The following GPC6 variants were observed in gnomAD, a reference collection of about 807,000 sequenced individuals.
GPC6 encodes the protein glypican-6.
GPC6 carries 14 observed loss-of-function variants against 55.2 expected under a neutral mutation model. The observed-to-expected ratio is 0.25, with a 90% CI of 0.17 to 0.40. The LOEUF is 0.40. GPC6 is among the 10% of genes least tolerant of loss of function. The pLI is 1.00. For synonymous variants in GPC6, 278 were observed against 259.6 expected (o/e 1.07, Z -0.68); for missense variants, 641 against 708.5 (o/e 0.90, Z 1.08).
chr13:94,382,604 A>G, intron 7 of GPC6, 54 bp downstream of exon 7: 3 of 1,609,642 alleles, frequency 1.9e-6, no homozygotes, highest in Admixed American at 3.3e-5. Flanking sequence ...CCAGCCTTGG[A>G]AGACTCTCCT....
intron 3 of GPC6, among the ~76,000 whole-genome samples, chr13:93,978,407 G>A (rs1048342625): frequency 1.3e-5 from 2 of 152,202 alleles, no homozygotes; most frequent in South Asian, 2.1e-4. Flanking sequence ...AATAAGGAGA[G>A]GACATATTAA....
At position 93,605,710 on chromosome 13, in the gene GPC6, C is replaced by T. The variant is rs557907846; in HGVS notation, c.319+60289C>T. On this transcript the variant is annotated intron_variant, in intron 2 of 8. Transcript: ENST00000377047. ...AAAAAAAAAAAGCCAGTCATGATGGCGGGTGCCTCTAATCCCAGCTGCTCA... is the reference window on the plus strand; with the variant it reads ...AAAAAAAAAAAGCCAGTCATGATGGTGGGTGCCTCTAATCCCAGCTGCTCA... 4.0e-5 allele frequency among the ~76,000 whole-genome samples: 6 copies of T among 150,674 alleles called. No individual in the cohort carries two copies. The East Asian group carries it at 5.9e-4, about 15-fold the overall frequency.
At chr13:93,610,772 A>AT (rs980947928) in intron 2 of GPC6, among the ~76,000 whole-genome samples, 17 of 151,594 alleles carry the variant, frequency 1.1e-4, no homozygotes, top group Admixed American at 4.0e-4. Context: ...ATGCACTGTG[A>AT]TTTTTTTTTC....
chr13:93,427,237 T>C (rs1008104645), intron 1 of GPC6, among the ~76,000 whole-genome samples: 5 of 151,410 alleles, frequency 3.3e-5, no homozygotes, highest in Admixed American at 1.3e-4. Context: ...CTTCACAGAA[T>C]TGGAAAAAAC....
At chr13:93,561,700 A>G (rs952852708) in intron 2 of GPC6, among the ~76,000 whole-genome samples, 2 of 151,610 alleles carry the variant, frequency 1.3e-5, no homozygotes, top group African/African-American at 2.4e-5. Context: ...CATTCCCCCA[A>G]CCCCCAGTTG....
chr13:94,303,845 C>A (rs1411299234), intron 5 of GPC6, among the ~76,000 whole-genome samples: 1 of 150,466 alleles, frequency 6.6e-6, no homozygotes, highest in Non-Finnish European at 1.5e-5. Context: ...CACTAATATT[C>A]TTTCAGGGCA....
intron 1 of GPC6, among the ~76,000 whole-genome samples, chr13:93,500,044 A>G (rs1880465077): frequency 6.6e-6 from 1 of 152,162 alleles, no homozygotes; most frequent in African/African-American, 2.4e-5. Context: ...TTCAGTGCTT[A>G]CAGCACTTCC....
At chr13:93,405,058 C>T (rs1876236088) in intron 1 of GPC6, among the ~76,000 whole-genome samples, 1 of 151,992 alleles carries the variant, frequency 6.6e-6, no homozygotes, top group Admixed American at 6.6e-5. Context: ...CTTTTTTAAT[C>T]AGTTGGGTTT....
At chr13:94,242,650 A>G (rs947020222) in intron 4 of GPC6, among the ~76,000 whole-genome samples, 25 of 152,080 alleles carry the variant, frequency 1.6e-4, no homozygotes, top group African/African-American at 5.3e-4. Flanking sequence ...TAGGGATTAC[A>G]GTGGGTTGGA....
intron 2 of GPC6, among the ~76,000 whole-genome samples, chr13:93,695,162 T>C (rs1473957213): frequency 6.6e-6 from 1 of 152,134 alleles, no homozygotes; most frequent in Non-Finnish European, 1.5e-5. Flanking sequence ...TGAAAGTTTA[T>C]GGAATAAACT....
chr13:93,830,306 G>C lies in GPC6; in HGVS notation c.472G>C (p.Glu158Gln), dbSNP rs777028841. The change falls in exon 3 of 9, where the codon GAG becomes CAG. Residue 158 changes from glutamate (E) to glutamine (Q), a missense_variant. Physicochemically the swap from Glu to Gln is conservative, Grantham distance 29. Coordinates refer to ENST00000377047, the MANE Select transcript of GPC6 (RefSeq NM_005708.5). ...RYYTGGNVNL[E>Q]EMLNDFWARL... ...CTACACTGGGGGTAATGTGAATCTG[G>C]AGGAAATGCTCAATGACTTTTGGGC... is the stretch of plus-strand genomic sequence containing the variant. 1 of 1,614,056 alleles carries C rather than the reference G, an allele frequency of 6.2e-7. No homozygotes were observed. The highest frequency in any genetic ancestry group is 8.5e-7 in the Non-Finnish European group (1 of 1,179,998).
chr13:93,362,849 C>G (rs1881090108), intron 1 of GPC6, among the ~76,000 whole-genome samples: 2 of 152,126 alleles, frequency 1.3e-5, no homozygotes, highest in Non-Finnish European at 2.9e-5. Context: ...GTTTTAAGCA[C>G]TCTGCATCTT....
Position 93,532,792 on chromosome 13 carries a change from G to A in GPC6, c.161-12471G>A, listed in dbSNP as rs77228465. ...AGAAGTTTCTTCTGTGTCATCTAGA[G>A]TAGCATGTTTAAATTCTCTCTGCAT... On this transcript the variant is annotated intron_variant, in intron 1 of 8. Transcript: ENST00000377047. 9.8e-5 allele frequency among the ~76,000 whole-genome samples: 15 copies of A among 152,318 alleles called. No individual in the cohort carries two copies. The East Asian group carries it at 1.9e-3, about 20-fold the overall frequency.
chr13:93,782,861 C>T (rs868027061), intron 2 of GPC6, among the ~76,000 whole-genome samples: 11 of 152,098 alleles, frequency 7.2e-5, no homozygotes, highest in Middle Eastern at 3.4e-3. Context: ...TCTTTAAGTT[C>T]TGGGTACATG....
intron 4 of GPC6, among the ~76,000 whole-genome samples, chr13:94,069,201 G>A (rs771834626): frequency 1.3e-5 from 2 of 152,106 alleles, no homozygotes; most frequent in Non-Finnish European, 2.9e-5. Flanking sequence ...ACACCACATG[G>A]AAGCTGTCAA....
At chr13:93,372,677 T>C (rs952778419) in intron 1 of GPC6, among the ~76,000 whole-genome samples, 1 of 152,228 alleles carries the variant, frequency 6.6e-6, no homozygotes, top group African/African-American at 2.4e-5. Flanking sequence ...CTTTTTAAAA[T>C]ATGAATTCAA....
Position 94,372,432 on chromosome 13 carries a change from G to T in GPC6, c.1153-9982G>T, listed in dbSNP as rs1245673489. Among the ~76,000 whole-genome samples, 125 of 151,648 alleles carry T rather than the reference G, an allele frequency of 8.2e-4. 1 individual carries two copies. Among genetic ancestry groups the T allele is most frequent in the South Asian group, 3.1e-3 (15 of 4,776 alleles). On this transcript the variant is annotated intron_variant, in intron 6 of 8. Transcript: ENST00000377047. ...CAAGGGGTCAGGGAGTTCCCTTTCC[G>T]AGTCAAAGAAAGGGGTGACTGACGG... is the stretch of plus-strand genomic sequence containing the variant.
chr13:93,524,472 A>G (rs9516247), intron 1 of GPC6, among the ~76,000 whole-genome samples: 126,948 of 151,842 alleles, frequency 0.84, 54,152 homozygotes, highest in Non-Finnish European at 0.92. Context: ...TGACTGCTTC[A>G]GTCCTTATGT....
intron 1 of GPC6, among the ~76,000 whole-genome samples, chr13:93,268,718 G>A (rs902829429): frequency 2.6e-5 from 4 of 152,144 alleles, no homozygotes; most frequent in Non-Finnish European, 4.4e-5. Flanking sequence ...CCTAAGGGAA[G>A]CCAGAGAGGT....
Sources: gnomAD v4.1 joint callset for allele counts (sites outside exome capture counted in the v4.1 genomes callset) on GRCh38, gnomAD v4.1.1 for gene constraint, MANE v1.5 for transcripts, NCBI Gene and HGNC (gene_info 2026-07-23, HGNC 2026-07-21) for gene names.